The following ATP11C variants were observed in gnomAD, a reference collection of about 807,000 sequenced individuals.
ATP11C encodes ATPase phospholipid transporting 11C (ATP11C blood group).
A neutral mutation model predicts 97.4 loss-of-function variants in ATP11C; 36 were observed. That is an observed-to-expected ratio of 0.37 (90% CI 0.28 to 0.49). The LOEUF (loss-of-function observed/expected upper bound fraction) is 0.49. Ranked by LOEUF, ATP11C falls within the 20% of genes least tolerant of loss-of-function variation. The pLI, the probability that ATP11C is intolerant of heterozygous loss-of-function variation, is 0.98. For synonymous variants in ATP11C, 275 were observed against 290.9 expected, an observed-to-expected ratio of 0.95 and a Z score of 0.56; for missense variants, 730 against 824.6, an observed-to-expected ratio of 0.89 and a Z score of 1.40.
chrX:139,870,846 G>A (rs1433051222), intron 1 of ATP11C, among the ~76,000 whole-genome samples: 2 of 110,880 alleles, frequency 1.8e-5, no homozygotes. Flanking sequence ...CATGAGGTCA[G>A]GAGATCGAGA....
At chrX:139,931,392 T>A (rs2085430465) in intron 1 of ATP11C, among the ~76,000 whole-genome samples, 1 of 111,731 alleles carries the variant, frequency 9.0e-6, no homozygotes, top group Non-Finnish European at 1.9e-5. Flanking sequence ...CGGCGCAGCC[T>A]CCTCGCGGCT....
intron 1 of ATP11C, among the ~76,000 whole-genome samples, chrX:139,895,596 C>T (rs1225857362): frequency 1.8e-5 from 2 of 110,861 alleles, no homozygotes; most frequent in African/African-American, 6.6e-5. Flanking sequence ...TGTCTATTTG[C>T]CTTTTATAGT....
chrX:139,881,463 G>C (rs1042588446), intron 1 of ATP11C, among the ~76,000 whole-genome samples: 1 of 110,814 alleles, frequency 9.0e-6, no homozygotes, highest in Non-Finnish European at 1.9e-5. Context: ...ACATGTGGCA[G>C]TGGTAGGCGG....
chrX:139,853,432 CAGAGAG>C (rs1343037533), intron 1 of ATP11C, among the ~76,000 whole-genome samples: 13 of 106,823 alleles, frequency 1.2e-4, no homozygotes, highest in African/African-American at 4.7e-4. Flanking sequence ...GAGGAAGAGA[CAGAGAG>C]ACAAAGAGGG....
At chrX:139,871,412 T>C (rs761909401) in intron 1 of ATP11C, among the ~76,000 whole-genome samples, 10 of 109,033 alleles carry the variant, frequency 9.2e-5, no homozygotes, top group Admixed American at 8.0e-4. Flanking sequence ...TTTCACTATG[T>C]TGGCCAGGCT....
At chrX:139,781,689 C>T (rs907505145) in intron 18 of ATP11C, among the ~76,000 whole-genome samples, 1 of 111,009 alleles carries the variant, frequency 9.0e-6, no homozygotes, top group African/African-American at 3.3e-5. Context: ...TGCACTCCAG[C>T]CTGGGCGACA....
chrX:139,807,944 CCT>C (rs1319015910), intron 5 of ATP11C, among the ~76,000 whole-genome samples: 1 of 98,635 alleles, frequency 1.0e-5, no homozygotes, highest in Admixed American at 1.1e-4. Flanking sequence ...AGAGTAAGAC[CCT>C]GTCTCTTAAA....
At chrX:139,736,391 G>A (rs1182384524) in intron 28 of ATP11C, among the ~76,000 whole-genome samples, 1 of 111,441 alleles carries the variant, frequency 9.0e-6, no homozygotes, top group Non-Finnish European at 1.9e-5. Context: ...TTTAAAATGA[G>A]CTCCATTACC....
intron 1 of ATP11C, among the ~76,000 whole-genome samples, chrX:139,922,361 G>A (rs2085280320): frequency 9.8e-6 from 1 of 102,283 alleles, no homozygotes; most frequent in African/African-American, 3.6e-5. Flanking sequence ...TATTGTTGTG[G>A]AGACCTAAAG....
chrX:139,782,064 C>T (rs961730273), intron 18 of ATP11C, among the ~76,000 whole-genome samples: 1 of 111,746 alleles, frequency 8.9e-6, no homozygotes, highest in Non-Finnish European at 1.9e-5. Context: ...TGGTGGCTCA[C>T]GCCTGTAATC....
intron 7 of ATP11C, among the ~76,000 whole-genome samples, chrX:139,800,433 C>T (rs1361687575): frequency 4.5e-5 from 5 of 112,181 alleles, no homozygotes; most frequent in African/African-American, 1.6e-4. Context: ...AATAACGTAA[C>T]TTCTATCTTG....
At chrX:139,895,077 A>C (rs1204889291) in intron 1 of ATP11C, among the ~76,000 whole-genome samples, 1 of 112,306 alleles carries the variant, frequency 8.9e-6, no homozygotes, top group Non-Finnish European at 1.9e-5. Flanking sequence ...AAAAGTGAGT[A>C]CTAGATTCTT....
At chrX:139,889,366 A>C (rs1748329226) in intron 1 of ATP11C, among the ~76,000 whole-genome samples, 1 of 111,900 alleles carries the variant, frequency 8.9e-6, no homozygotes, top group Non-Finnish European at 1.9e-5. Flanking sequence ...AGAAATGACG[A>C]AACTGTAAGG....
intron 1 of ATP11C, among the ~76,000 whole-genome samples, chrX:139,896,546 TACACACACACACACACAC>T (rs61153084): frequency 5.4e-4 from 43 of 79,807 alleles, no homozygotes; most frequent in African/African-American, 1.1e-3. Context: ...GTTAATTTTA[TACACACACACACACACAC>T]ACACACACAC....
intron 1 of ATP11C, among the ~76,000 whole-genome samples, chrX:139,883,292 C>T (rs1391716711): frequency 9.1e-6 from 1 of 109,940 alleles, no homozygotes; most frequent in Non-Finnish European, 1.9e-5. Flanking sequence ...TTTCATGAAG[C>T]CTGGTCATTC....
chrX:139,731,573 A>G, intron 29 of ATP11C, 78 bp downstream of exon 29: 1 of 549,948 alleles, frequency 1.8e-6, no homozygotes, highest in Non-Finnish European at 2.8e-6. Context: ...AAATTTAGAG[A>G]GTGATATTTT....
At chrX:139,734,412 T>C (rs763232573) in intron 28 of ATP11C, among the ~76,000 whole-genome samples, 3 of 111,382 alleles carry the variant, frequency 2.7e-5, no homozygotes, top group Non-Finnish European at 5.7e-5. Flanking sequence ...CATTAAATTA[T>C]AGTCTTCCTT....
intron 1 of ATP11C, among the ~76,000 whole-genome samples, chrX:139,919,442 TAAACAC>T (rs1475731317): frequency 2.0e-4 from 10 of 49,446 alleles, no homozygotes; most frequent in African/African-American, 8.6e-4. Context: ...CACTCAAACT[TAAACAC>T]ACACACACAC....
intron 1 of ATP11C, among the ~76,000 whole-genome samples, chrX:139,931,182 CAA>C (rs761035970): frequency 2.7e-5 from 3 of 112,207 alleles, no homozygotes; most frequent in Non-Finnish European, 5.6e-5. Flanking sequence ...ACAGGTTACT[CAA>C]AAAAGTCAGT....
Sources: allele counts gnomAD v4.1 joint callset (sites outside exome capture counted in the v4.1 genomes callset), GRCh38; gene constraint gnomAD v4.1.1; transcripts MANE v1.5; gene names NCBI Gene and HGNC (gene_info 2026-07-23, HGNC 2026-07-21).